The following HYDIN variants were observed in gnomAD, a reference collection of about 807,000 sequenced individuals.
The protein encoded by HYDIN is HYDIN axonemal central pair apparatus protein.
A neutral mutation model predicts 403.9 loss-of-function variants in HYDIN; 132 were observed. The ratio of observed to expected loss-of-function variants is 0.33; its 90% CI spans 0.28 to 0.38. The LOEUF is 0.38. HYDIN is among the 10% of genes least tolerant of loss of function. The pLI, the probability that HYDIN is intolerant of heterozygous loss-of-function variation, is 1.00. For synonymous variants in HYDIN, 1,202 were observed against 1,891.7 expected (o/e 0.64, Z 9.46); for missense variants, 2,827 against 5,009.5 (o/e 0.56, Z 13.15).
chr16:70,945,339 A>G (rs937640992), intron 41 of HYDIN, among the ~76,000 whole-genome samples: 4 of 152,222 alleles, frequency 2.6e-5, no homozygotes, highest in African/African-American at 9.6e-5. Context: ...AAGAAAGGAA[A>G]GACTGGGAGA....
chr16:71,117,498 T>C (rs2084086738), intron 9 of HYDIN, among the ~76,000 whole-genome samples: 1 of 152,178 alleles, frequency 6.6e-6, no homozygotes, highest in Non-Finnish European at 1.5e-5. Flanking sequence ...ATCGATGTTA[T>C]TTTTGTGCTA....
At chr16:70,922,555 T>A (rs1040760546) in intron 45 of HYDIN, among the ~76,000 whole-genome samples, 1 of 152,134 alleles carries the variant, frequency 6.6e-6, no homozygotes, top group South Asian at 2.1e-4. Context: ...ACATAGAGCA[T>A]GTACTCTGCG....
intron 41 of HYDIN, among the ~76,000 whole-genome samples, chr16:70,944,557 G>A (rs1432141492): frequency 6.6e-6 from 1 of 152,098 alleles, no homozygotes; most frequent in East Asian, 1.9e-4. Context: ...GAATCTCGGG[G>A]GCACATGGAG....
intron 23 of HYDIN, among the ~76,000 whole-genome samples, chr16:71,012,427 C>T (rs1023440879): frequency 2.0e-5 from 3 of 152,240 alleles, no homozygotes; most frequent in East Asian, 1.9e-4. Context: ...TTCCTCTTAC[C>T]GAGGACTTAT....
At chr16:71,032,478 A>G (rs1044263588) in intron 18 of HYDIN, among the ~76,000 whole-genome samples, 1 of 151,208 alleles carries the variant, frequency 6.6e-6, no homozygotes, top group African/African-American at 2.4e-5. Flanking sequence ...TTCATTAGCT[A>G]AAATTGCAAA....
intron 6 of HYDIN, among the ~76,000 whole-genome samples, chr16:71,154,917 G>A (rs1350666629): frequency 3.9e-4 from 50 of 126,788 alleles, no homozygotes; most frequent in Non-Finnish European, 4.8e-5. Context: ...AGGATTAAAG[G>A]GGTTGATATA....
intron 45 of HYDIN, among the ~76,000 whole-genome samples, chr16:70,931,966 C>A (rs1328791317): frequency 7.4e-6 from 1 of 135,874 alleles, no homozygotes; most frequent in Non-Finnish European, 1.6e-5. Context: ...GGCCGAGATC[C>A]CACCACTGCA....
At chr16:70,963,408 T>C (rs1597426372) in intron 37 of HYDIN, among the ~76,000 whole-genome samples, 1 of 112,272 alleles carries the variant, frequency 8.9e-6, no homozygotes, top group Middle Eastern at 3.8e-3. Flanking sequence ...TGAGGTCACA[T>C]GGGTGGGTCC....
intron 18 of HYDIN, among the ~76,000 whole-genome samples, chr16:71,060,043 C>T (rs1418140496): frequency 3.3e-5 from 5 of 152,122 alleles, no homozygotes; most frequent in South Asian, 4.1e-4. Context: ...AATAAACACA[C>T]CAACATATGT....
chr16:71,172,514 A>G (rs2086507936), intron 5 of HYDIN, among the ~76,000 whole-genome samples: 1 of 150,188 alleles, frequency 6.7e-6, no homozygotes, highest in South Asian at 2.2e-4. Context: ...AACATATCCA[A>G]TCATTTTTTT....
chr16:70,991,966 G>T, intron 24 of HYDIN, 104 bp downstream of exon 24: 1 of 1,571,944 alleles, frequency 6.4e-7, no homozygotes, highest in South Asian at 1.2e-5. Flanking sequence ...ACTGTTGACT[G>T]GGTACTGGAT....
At chr16:71,120,554 A>G (rs981539425) in intron 9 of HYDIN, among the ~76,000 whole-genome samples, 6 of 149,746 alleles carry the variant, frequency 4.0e-5, no homozygotes, top group African/African-American at 1.5e-4. Context: ...GGTGTCATTT[A>G]AAAGTGTTCA....
At chr16:71,229,046 TATCA>T in intron 1 of HYDIN, among the ~76,000 whole-genome samples, 1 of 150,586 alleles carries the variant, frequency 6.6e-6, no homozygotes, top group Non-Finnish European at 1.5e-5. Flanking sequence ...CTCAGCAAAC[TATCA>T]CAAGGACAAA....
At chr16:71,056,674 G>C (rs558729811) in intron 18 of HYDIN, among the ~76,000 whole-genome samples, 1 of 152,390 alleles carries the variant, frequency 6.6e-6, no homozygotes, top group African/African-American at 2.4e-5. Flanking sequence ...GCCAAAAGAG[G>C]ACAGAGAATG....
intron 5 of HYDIN, among the ~76,000 whole-genome samples, chr16:71,173,710 G>A (rs1423012506): frequency 6.6e-6 from 1 of 151,988 alleles, no homozygotes; most frequent in East Asian, 1.9e-4. Flanking sequence ...TAAAATTTAT[G>A]TATATACTGA....
chr16:71,019,134 CTA>C (rs1221905925), intron 22 of HYDIN, among the ~76,000 whole-genome samples: 1 of 151,326 alleles, frequency 6.6e-6, no homozygotes, highest in Non-Finnish European at 1.5e-5. Flanking sequence ...ATTCCAATCC[CTA>C]TGTGTTCCTT....
At chr16:70,958,635 A>G (rs993334536) in intron 39 of HYDIN, among the ~76,000 whole-genome samples, 2 of 152,220 alleles carry the variant, frequency 1.3e-5, no homozygotes, top group African/African-American at 4.8e-5. Flanking sequence ...TTGCCCACAC[A>G]TCTGGCCTTC....
At position 70,895,874 on chromosome 16, in the gene HYDIN, G is replaced by C. The variant is rs1774438; in HGVS notation, c.9148+107C>G. 24,923 of 1,360,432 alleles carry C rather than the reference G, an allele frequency of 0.018. 1,508 individuals are homozygous for C. In the African/African-American group the frequency reaches 0.19, roughly 10 times the overall value. 84.3% of individuals were successfully genotyped at this position (1,360,432 alleles called of 1,614,324 possible). ...TTATTATTTATTAAAATTGCCCCAT[G>C]CCCAATCCCTGCAATACTAACAACA... is the stretch of plus-strand genomic sequence containing the variant. On this transcript the variant is annotated intron_variant, in intron 54 of 85. Coordinates refer to ENST00000393567, the MANE Select transcript of HYDIN (RefSeq NM_001270974.2).
chr16:71,163,459 C>G (rs1445481087), intron 5 of HYDIN, among the ~76,000 whole-genome samples: 1 of 152,192 alleles, frequency 6.6e-6, no homozygotes, highest in Non-Finnish European at 1.5e-5. Context: ...TGCCTATACT[C>G]TTTGCAATGT....
Sources: allele counts gnomAD v4.1 joint callset (sites outside exome capture counted in the v4.1 genomes callset), GRCh38; gene constraint gnomAD v4.1.1; transcripts MANE v1.5; gene names NCBI Gene and HGNC (gene_info 2026-07-23, HGNC 2026-07-21).